Variants in TNNC2 observed in about 807,000 individuals in gnomAD.
The protein encoded by TNNC2 is troponin C2, fast skeletal type.
Under a neutral mutation model 20.0 loss-of-function variants are expected in TNNC2, and 14 were observed. That is an observed-to-expected ratio of 0.70 (90% CI 0.46 to 1.09). The LOEUF (loss-of-function observed/expected upper bound fraction) is 1.09. TNNC2 is among the 50% of genes least tolerant of loss of function. The pLI is 0.00. For synonymous variants in TNNC2, 81 were observed against 77.3 expected, an observed-to-expected ratio of 1.05 and a Z score of -0.25; for missense variants, 163 against 223.8, an observed-to-expected ratio of 0.73 and a Z score of 1.73.
intron 1 of TNNC2, among the ~76,000 whole-genome samples, chr20:45,825,348 A>C (rs528637120): frequency 6.6e-6 from 1 of 150,928 alleles, no homozygotes; most frequent in Non-Finnish European, 1.5e-5. Flanking sequence ...CTGGAGTGCA[A>C]TGGCGTGATC....
chr20:45,826,591 T>TA (rs1026733852), intron 1 of TNNC2, among the ~76,000 whole-genome samples: 3 of 152,224 alleles, frequency 2.0e-5, no homozygotes, highest in Non-Finnish European at 4.4e-5. Context: ...CCTCTTTCCC[T>TA]ATGCCAGGAG....
intron 1 of TNNC2, 86 bp downstream of exon 1, chr20:45,827,160 C>T: frequency 6.4e-7 from 1 of 1,568,516 alleles, no homozygotes; most frequent in South Asian, 1.1e-5. Context: ...ATCCAAGTTA[C>T]TGCCCCACAG....
intron 2 of TNNC2, among the ~76,000 whole-genome samples, chr20:45,832,769 T>A (rs922165604): frequency 6.6e-6 from 1 of 152,270 alleles, no homozygotes; most frequent in Non-Finnish European, 1.5e-5. Flanking sequence ...TTTCTTGACC[T>A]GCAGCTGCCC....
rs748047781 is a variant in TNNC2, at chr20:45,823,293, G to A, written c.*55C>T. ...CTCCCTGGTGGGGACCCGGCAGGGC[G>A]GAGTCTCCCACACCCTAGGGACACG... On this transcript the variant is annotated 3_prime_UTR_variant, in exon 6 of 6. Coordinates refer to ENST00000372555, the MANE Select transcript of TNNC2 (RefSeq NM_003279.3). The surrounding 1 kb of genome is among the most constrained non-coding windows in gnomAD (Gnocchi z 4.6). 127 of 1,501,956 alleles carry A rather than the reference G, an allele frequency of 8.5e-5. No homozygotes were observed. The highest frequency in any genetic ancestry group is 1.7e-4 in the Middle Eastern group (1 of 5,822). 93.0% of individuals were successfully genotyped at this position (1,501,956 alleles called of 1,614,324 possible).
rs1601055323 is a variant in TNNC2, at chr20:45,824,843, G to A, written c.4-9C>T. On this transcript the variant is annotated splice_polypyrimidine_tract_variant and intron_variant, in intron 1 of 5. Transcript: ENST00000372555. Reference sequence around the variant, plus strand: ...TCAGCCTGCTGGTCCGTCTGCAGGAGACACAGAGAAAGTCTGAGCTGAAGA... The same window carrying A: ...TCAGCCTGCTGGTCCGTCTGCAGGAAACACAGAGAAAGTCTGAGCTGAAGA... The A allele has an allele frequency of 1.2e-6, 2 of 1,614,090 alleles. No homozygotes were observed. The highest frequency in any genetic ancestry group is 1.7e-6 in the Non-Finnish European group (2 of 1,180,012).
At chr20:45,824,686 C>G in intron 2 of TNNC2, 48 bp from the exon 3 acceptor site, 2 of 1,602,130 alleles carry the variant, frequency 1.2e-6, no homozygotes, top group Non-Finnish European at 1.7e-6. Flanking sequence ...GGACTGTCAG[C>G]CTCACACCTA....
upstream of TNNC2, among the ~76,000 whole-genome samples, chr20:45,829,354 G>A (rs917880796): frequency 5.9e-5 from 9 of 151,914 alleles, no homozygotes; most frequent in Non-Finnish European, 1.3e-4. Flanking sequence ...AGTAGAGACA[G>A]GGTTTCTCCA....
intron 2 of TNNC2, 52 bp from the exon 3 acceptor site, chr20:45,824,690 A>G: frequency 6.3e-7 from 1 of 1,591,838 alleles, no homozygotes. Context: ...TGTCAGCCTC[A>G]CACCTACCCC....
At chr20:45,825,137 G>A (rs1422322846) in intron 1 of TNNC2, among the ~76,000 whole-genome samples, 1 of 151,378 alleles carries the variant, frequency 6.6e-6, no homozygotes, top group African/African-American at 2.4e-5. Flanking sequence ...CATACACCAC[G>A]CCTAATTTTT....
Position 45,824,045 on chromosome 20 carries a change from C to G in TNNC2, c.397G>C (p.Glu133Gln), listed in dbSNP as rs773978463. ...TTGTCGCCGTCTTTCATCAGAGATT[C>G]GATCTCCTCGTCCGTCACGTGCTCC... ...SGEHVTDEEI[E>Q]SLMKDGDKNN... The change falls in exon 5 of 6, where the codon GAA (glutamate) becomes CAA (glutamine). Residue 133 changes from glutamate to glutamine, a missense_variant. By Grantham distance (29) the Glu-to-Gln change is conservative. Coordinates refer to ENST00000372555, the MANE Select transcript of TNNC2 (RefSeq NM_003279.3). The G allele has an allele frequency of 6.2e-7, 1 of 1,614,088 alleles. No homozygotes were observed. Among genetic ancestry groups the G allele is most frequent in the South Asian group, 1.1e-5 (1 of 91,078 alleles).
chr20:45,825,650 T>C (rs1165165108), intron 1 of TNNC2, among the ~76,000 whole-genome samples: 1 of 151,192 alleles, frequency 6.6e-6, no homozygotes, highest in African/African-American at 2.4e-5. Flanking sequence ...GTTTTGCTCT[T>C]GTTGCCTAGG....
At chr20:45,826,376 A>T (rs1171233879) in intron 1 of TNNC2, among the ~76,000 whole-genome samples, 1 of 152,180 alleles carries the variant, frequency 6.6e-6, no homozygotes, top group African/African-American at 2.4e-5. Context: ...ATTGGAGAAA[A>T]GGCCCCTCAT....
At chr20:45,825,060 T>C (rs1568720625) in intron 1 of TNNC2, among the ~76,000 whole-genome samples, 2 of 152,224 alleles carry the variant, frequency 1.3e-5, no homozygotes, top group Admixed American at 6.5e-5. Flanking sequence ...CATAGCTCAC[T>C]GCAGCCTCAA....
intron 1 of TNNC2, among the ~76,000 whole-genome samples, chr20:45,826,823 C>T (rs1982984861): frequency 2.0e-5 from 3 of 152,206 alleles, no homozygotes; most frequent in Admixed American, 2.0e-4. Flanking sequence ...AGGCCCCACG[C>T]CCTGCCGGCC....
At chr20:45,826,681 G>A (rs1370720658) in intron 1 of TNNC2, among the ~76,000 whole-genome samples, 5 of 152,208 alleles carry the variant, frequency 3.3e-5, no homozygotes, top group African/African-American at 1.2e-4. Flanking sequence ...AAGTGGGGAG[G>A]GGGATCTCAG....
upstream of TNNC2, among the ~76,000 whole-genome samples, chr20:45,828,051 A>G (rs558670729): frequency 4.6e-5 from 7 of 152,254 alleles, no homozygotes; most frequent in East Asian, 1.3e-3. Flanking sequence ...TTTGTAAATT[A>G]TAAAGGTCTA....
intron 1 of TNNC2, among the ~76,000 whole-genome samples, chr20:45,825,626 T>G (rs944200661): frequency 6.7e-6 from 1 of 150,328 alleles, no homozygotes; most frequent in Non-Finnish European, 1.5e-5. Flanking sequence ...TGTTTTGTTT[T>G]GTTTTGAGAC....
At position 45,824,401 on chromosome 20, in the gene TNNC2, C is replaced by G. The variant is rs1982902165; in HGVS notation, c.205G>C (p.Gly69Arg). The G allele has an allele frequency of 6.2e-7, 1 of 1,610,598 alleles. No individual in the cohort carries two copies. Among genetic ancestry groups the G allele is most frequent in the African/African-American group, 1.3e-5 (1 of 75,052 alleles). ...AAGAACTCCTCGAAGTCGATGGTGC[C>G]GCTGCCTGCGGGCAGCAGGTGGCAG... ...IIEEVDEDGSGTIDFEEFLVM... is the reference protein window; with the variant it reads ...IIEEVDEDGSRTIDFEEFLVM... Residue 69 changes from glycine (G) to arginine (R), a missense_variant, in exon 4 of 6, where the codon GGC becomes CGC. Coordinates refer to ENST00000372555, the MANE Select transcript of TNNC2 (RefSeq NM_003279.3).
chr20:45,826,194 ATGTT>A (rs977225512), intron 1 of TNNC2, among the ~76,000 whole-genome samples: 8 of 152,318 alleles, frequency 5.3e-5, no homozygotes, highest in Middle Eastern at 3.4e-3. Flanking sequence ...GCTCAATAAA[ATGTT>A]TGTTCTCAAA....
Sources: gnomAD v4.1 joint callset for allele counts (sites outside exome capture counted in the v4.1 genomes callset) on GRCh38, gnomAD v4.1.1 for gene constraint, Gnocchi (gnomAD v3.1) non-coding constraint, MANE v1.5 for transcripts, NCBI Gene and HGNC (gene_info 2026-07-23, HGNC 2026-07-21) for gene names.